Variants in SMAP1 observed in about 807,000 individuals in gnomAD.
SMAP1 encodes the protein small ArfGAP 1.
Under a neutral mutation model 58.5 loss-of-function variants are expected in SMAP1, and 24 were observed. The observed-to-expected ratio is 0.41, with a 90% CI of 0.30 to 0.58. The LOEUF (loss-of-function observed/expected upper bound fraction) is 0.58. Ranked by LOEUF, SMAP1 falls within the 20% of genes least tolerant of loss-of-function variation. SMAP1 has a pLI of 0.29. For synonymous variants in SMAP1, 216 were observed against 196.6 expected (o/e 1.10, Z -0.82); for missense variants, 563 against 566.3 (o/e 0.99, Z 0.06).
At chr6:70,702,628 T>A (rs1393307801) in intron 1 of SMAP1, among the ~76,000 whole-genome samples, 1 of 151,684 alleles carries the variant, frequency 6.6e-6, no homozygotes, top group Admixed American at 6.6e-5. Flanking sequence ...TCTTTCTTCT[T>A]CTTCTTCTTC....
rs1766421099 is a variant in SMAP1 at position 70,754,898 on chromosome 6, G to T, written c.253-82G>T. On this transcript the variant is annotated intron_variant, in intron 2 of 10. Transcript: ENST00000370455. ...AAATAATAAATTATTTGGTATTTGT[G>T]TATATGTATGTATGTGTATGTATGT... 7.3e-6 allele frequency: 5 copies of T among 683,638 alleles called. No individual in the cohort carries two copies. In the East Asian group the frequency reaches 7.8e-5, roughly 11 times the overall value. The allele number at this position is 683,638 out of a possible 1,614,324, so 42.3% of individuals were successfully genotyped here. A position where few individuals can be genotyped will look rare whatever the true frequency, so the allele number is the denominator to read the frequency against.
At chr6:70,817,943 A>G (rs1769711769) in intron 6 of SMAP1, among the ~76,000 whole-genome samples, 1 of 152,188 alleles carries the variant, frequency 6.6e-6, no homozygotes, top group Non-Finnish European at 1.5e-5. Context: ...TAGATGAAAA[A>G]GTGTATCTCC....
At chr6:70,786,348 A>C (rs1043353570) in intron 4 of SMAP1, among the ~76,000 whole-genome samples, 2 of 145,494 alleles carry the variant, frequency 1.4e-5, no homozygotes, top group Non-Finnish European at 3.0e-5. Flanking sequence ...CCAATATCAT[A>C]CTGAATGGGC....
chr6:70,718,534 G>T (rs1229966986), intron 1 of SMAP1, among the ~76,000 whole-genome samples: 1 of 152,052 alleles, frequency 6.6e-6, no homozygotes, highest in Non-Finnish European at 1.5e-5. Flanking sequence ...AGAATGCGAT[G>T]CTTGGGGCTG....
rs1394204597 is a variant in SMAP1, at chr6:70,668,116, G to A, written c.93G>A (p.Lys31=). The change falls in exon 1 of 11, where the codon AAG becomes AAA. Residue 31 remains lysine, a synonymous_variant. Transcript: ENST00000370455. ...LSKLLREEDN[K]YCADCEAKGP... ...AGCTTCTGAGGGAGGAGGACAACAAGTACTGCGCCGACTGCGAGGCCAAAG... is the reference window on the plus strand; with the variant it reads ...AGCTTCTGAGGGAGGAGGACAACAAATACTGCGCCGACTGCGAGGCCAAAG... The A allele has an allele frequency of 1.9e-6, 3 of 1,601,208 alleles. No homozygotes were observed. Among genetic ancestry groups the A allele is most frequent in the Non-Finnish European group, 2.6e-6 (3 of 1,174,816 alleles).
chr6:70,808,777 T>C (rs1487147792), intron 6 of SMAP1, among the ~76,000 whole-genome samples: 1 of 152,140 alleles, frequency 6.6e-6, no homozygotes, highest in East Asian at 1.9e-4. Context: ...CACTATTATT[T>C]CAAACTGGTT....
intron 10 of SMAP1, chr6:70,859,333 TGCAG>T (rs1200144398): frequency 6.5e-7 from 1 of 1,547,722 alleles, no homozygotes; most frequent in Admixed American, 2.0e-5. Flanking sequence ...TTCCAGATAA[TGCAG>T]AAGGGTGATG....
chr6:70,839,487 G>T (rs1241574436), intron 7 of SMAP1, among the ~76,000 whole-genome samples: 1 of 152,082 alleles, frequency 6.6e-6, no homozygotes, highest in Non-Finnish European at 1.5e-5. Context: ...CTGTAGGTCT[G>T]CTGGGATGTC....
intron 1 of SMAP1, among the ~76,000 whole-genome samples, chr6:70,719,468 T>C (rs1768418851): frequency 6.6e-6 from 1 of 152,224 alleles, no homozygotes; most frequent in Admixed American, 6.5e-5. Context: ...GGTAACATTT[T>C]ACCACACTTA....
intron 2 of SMAP1, among the ~76,000 whole-genome samples, chr6:70,738,358 T>C (rs1254302866): frequency 6.6e-6 from 1 of 151,468 alleles, no homozygotes; most frequent in Non-Finnish European, 1.5e-5. Context: ...GTCAAAAGAG[T>C]GTGAAAAGAT....
chr6:70,697,838 T>C (rs1428064161), intron 1 of SMAP1, among the ~76,000 whole-genome samples: 2 of 152,198 alleles, frequency 1.3e-5, no homozygotes, highest in Non-Finnish European at 2.9e-5. Context: ...TTCTTAACTT[T>C]TGGTTATTTC....
chr6:70,843,120 T>C (rs1303761065), intron 7 of SMAP1, among the ~76,000 whole-genome samples: 1 of 151,810 alleles, frequency 6.6e-6, no homozygotes, highest in Non-Finnish European at 1.5e-5. Flanking sequence ...AGCAGCTCTT[T>C]AGGGTAGAGA....
intron 3 of SMAP1, chr6:70,760,041 C>G (rs1766685292): frequency 8.7e-6 from 2 of 229,582 alleles, no homozygotes; most frequent in Non-Finnish European, 1.9e-5. Context: ...CCTAAAGCCT[C>G]CAGACTTTCC....
intron 6 of SMAP1, among the ~76,000 whole-genome samples, chr6:70,834,176 A>G (rs1436539937): frequency 1.3e-5 from 2 of 152,172 alleles, no homozygotes; most frequent in African/African-American, 4.8e-5. Flanking sequence ...ACTCAGCAGC[A>G]TTTTAAAAGG....
intron 6 of SMAP1, among the ~76,000 whole-genome samples, chr6:70,808,575 TC>T (rs1353420194): frequency 1.3e-5 from 2 of 152,164 alleles, no homozygotes; most frequent in African/African-American, 4.8e-5. Context: ...AGCCTCCTTT[TC>T]TTTCTTTATT....
intron 6 of SMAP1, among the ~76,000 whole-genome samples, chr6:70,832,683 T>C (rs961290174): frequency 6.6e-6 from 1 of 152,188 alleles, no homozygotes; most frequent in Non-Finnish European, 1.5e-5. Context: ...TATCATCCCA[T>C]GGTTGGAAGC....
At chr6:70,790,902 A>G (rs905014623) in intron 4 of SMAP1, among the ~76,000 whole-genome samples, 3 of 152,238 alleles carry the variant, frequency 2.0e-5, no homozygotes, top group Non-Finnish European at 4.4e-5. Flanking sequence ...TTTTGGCAGT[A>G]AAAGAGCAGG....
At chr6:70,791,619 C>G (rs942328890) in intron 4 of SMAP1, 70 bp from the exon 5 acceptor site, 2 of 1,308,604 alleles carry the variant, frequency 1.5e-6, no homozygotes, top group Middle Eastern at 1.9e-4. Flanking sequence ...TTTTTTCTTT[C>G]CTGTGCCTGT....
intron 6 of SMAP1, among the ~76,000 whole-genome samples, chr6:70,830,500 TGTAA>T (rs1770314349): frequency 6.6e-6 from 1 of 152,356 alleles, no homozygotes; most frequent in African/African-American, 2.4e-5. Context: ...AATTGTATCT[TGTAA>T]GTCTTTGCAA....
Sources: allele counts gnomAD v4.1 joint callset (sites outside exome capture counted in the v4.1 genomes callset), GRCh38; gene constraint gnomAD v4.1.1; transcripts MANE v1.5; gene names NCBI Gene and HGNC (gene_info 2026-07-23, HGNC 2026-07-21).